PRELID3A: variants seen among roughly 807,000 people sequenced by gnomAD.
PRELID3A encodes PRELI domain containing 3A.
Under a neutral mutation model 23.0 loss-of-function variants are expected in PRELID3A, and 27 were observed. That is an observed-to-expected ratio of 1.17 (90% CI 0.87 to 1.62). The LOEUF (loss-of-function observed/expected upper bound fraction) is 1.62, where lower values mean the gene tolerates loss of function less well. Among genes scored for constraint, PRELID3A ranks in the 40% most tolerant of loss-of-function variants. The pLI, the probability that PRELID3A is intolerant of heterozygous loss-of-function variation, is 0.00. For synonymous variants in PRELID3A, 87 were observed against 86.4 expected (o/e 1.01, Z -0.04); for missense variants, 231 against 231.4 (o/e 1.00, Z 0.01).
chr18:12,430,516 CGT>C (rs2030540877), intron 6 of PRELID3A, among the ~76,000 whole-genome samples: 1 of 131,276 alleles, frequency 7.6e-6, no homozygotes, highest in African/African-American at 2.9e-5. Context: ...GTGTGATGTG[CGT>C]GTGTGGGGTG....
Position 12,408,149 on chromosome 18 carries a change from G to A in PRELID3A, c.32+142G>A, listed in dbSNP as rs1447067086. 25 of 734,080 alleles carry A rather than the reference G, an allele frequency of 3.4e-5. No homozygotes were observed. In the East Asian group the frequency reaches 8.0e-4, roughly 24 times the overall value. 45.5% of individuals were successfully genotyped at this position (734,080 alleles called of 1,614,324 possible). A position where few individuals can be genotyped will look rare whatever the true frequency, so the allele number is the denominator to read the frequency against. On this transcript the variant is annotated intron_variant, in intron 1 of 6. Transcript: ENST00000440960. Reference sequence around the variant, plus strand: ...GCCCCGCGCCGGCCGTTCCCAGACCGCAACTTCGGCGTCCCGGAGAGGGCA... The same window carrying A: ...GCCCCGCGCCGGCCGTTCCCAGACCACAACTTCGGCGTCCCGGAGAGGGCA...
At chr18:12,414,181 G>T (rs1598856111) in intron 1 of PRELID3A, among the ~76,000 whole-genome samples, 1 of 151,786 alleles carries the variant, frequency 6.6e-6, no homozygotes, top group Non-Finnish European at 1.5e-5. Context: ...GGGGCTTCTG[G>T]TGCACTTCTG....
At chr18:12,411,400 A>T (rs1909904718) in intron 1 of PRELID3A, among the ~76,000 whole-genome samples, 1 of 150,316 alleles carries the variant, frequency 6.7e-6, no homozygotes, top group Non-Finnish European at 1.5e-5. Context: ...CGGGAGGCAG[A>T]ACTTGCAGTG....
intron 3 of PRELID3A, among the ~76,000 whole-genome samples, chr18:12,423,056 C>T (rs563268199): frequency 3.9e-5 from 6 of 152,236 alleles, no homozygotes; most frequent in East Asian, 1.9e-4. Context: ...TAGGTGGCAG[C>T]GAGCAGGAGC....
intron 1 of PRELID3A, among the ~76,000 whole-genome samples, chr18:12,419,704 C>T (rs2030083628): frequency 6.6e-6 from 1 of 151,878 alleles, no homozygotes; most frequent in African/African-American, 2.4e-5. Context: ...CTTTGGGAGG[C>T]CGAGGCGGGC....
intron 1 of PRELID3A, among the ~76,000 whole-genome samples, chr18:12,417,384 G>A (rs2029995423): frequency 6.6e-6 from 1 of 152,096 alleles, no homozygotes; most frequent in African/African-American, 2.4e-5. Context: ...ATGTTGGCCA[G>A]GCTGGTGTTG....
chr18:12,408,020 T>C lies in PRELID3A; in HGVS notation c.32+13T>C. 1 of 1,267,894 alleles carries C rather than the reference T, an allele frequency of 7.9e-7. No homozygotes were observed. Among genetic ancestry groups the C allele is most frequent in the South Asian group, 3.0e-5 (1 of 33,642 alleles). 78.5% of individuals were successfully genotyped at this position (1,267,894 alleles called of 1,614,324 possible). A position where few individuals can be genotyped will look rare whatever the true frequency, so the allele number is the denominator to read the frequency against. On this transcript the variant is annotated intron_variant, in intron 1 of 6. Coordinates refer to ENST00000440960, the MANE Select transcript of PRELID3A (RefSeq NM_001142405.2). ...AGCACGTGTTTGGGTGAGGCCGGGC[T>C]GAGGGCCGCGGTGGGGCCGTCCAGA... is the stretch of plus-strand genomic sequence containing the variant.
intron 5 of PRELID3A, among the ~76,000 whole-genome samples, chr18:12,427,885 G>A (rs994757345): frequency 2.0e-5 from 3 of 152,002 alleles, no homozygotes; most frequent in Non-Finnish European, 2.9e-5. Flanking sequence ...AGAAAGTATG[G>A]GGTAAACCTG....
intron 3 of PRELID3A, 69 bp from the exon 4 acceptor site, chr18:12,426,972 G>C: frequency 8.6e-7 from 1 of 1,164,840 alleles, no homozygotes; most frequent in East Asian, 2.5e-5. Flanking sequence ...TGGGATGGAA[G>C]AGTATGGGCA....
Position 12,407,933 on chromosome 18 carries a change from C to T in PRELID3A, c.-43C>T, listed in dbSNP as rs985357099. On this transcript the variant is annotated 5_prime_UTR_variant, in exon 1 of 7. Coordinates refer to ENST00000440960, the MANE Select transcript of PRELID3A (RefSeq NM_001142405.2). ...GCGCCCGGAGCCGCGCGGCCCGAAG[C>T]ACCCGGCCCGGATCGCAGAGCCCGC... The T allele has an allele frequency of 3.9e-6, 5 of 1,279,674 alleles. No homozygotes were observed. The African/African-American group carries it at 7.8e-5, about 20-fold the overall frequency. 79.3% of individuals were successfully genotyped at this position (1,279,674 alleles called of 1,614,324 possible).
chr18:12,419,082 G>T (rs1392793696), intron 1 of PRELID3A, among the ~76,000 whole-genome samples: 1 of 152,170 alleles, frequency 6.6e-6, no homozygotes, highest in East Asian at 1.9e-4. Context: ...CTAGCACTTT[G>T]GGACGCTGAG....
At chr18:12,426,404 A>G (rs2030375161) in intron 3 of PRELID3A, among the ~76,000 whole-genome samples, 1 of 140,728 alleles carries the variant, frequency 7.1e-6, no homozygotes, top group East Asian at 2.1e-4. Context: ...AATACAAAAA[A>G]TTAGCTGGGC....
chr18:12,412,922 G>C (rs1412444486), intron 1 of PRELID3A, among the ~76,000 whole-genome samples: 1 of 152,156 alleles, frequency 6.6e-6, no homozygotes, highest in Non-Finnish European at 1.5e-5. Flanking sequence ...TGCTGTTTCT[G>C]TTTTTACTAA....
chr18:12,409,227 C>T (rs1344197247), intron 1 of PRELID3A, among the ~76,000 whole-genome samples: 6 of 120,212 alleles, frequency 5.0e-5, no homozygotes, highest in Admixed American at 1.2e-4. Flanking sequence ...AGTGCAATGG[C>T]GCGATCTTGG....
intron 1 of PRELID3A, among the ~76,000 whole-genome samples, chr18:12,416,296 G>T (rs1785658): frequency 0.54 from 81,164 of 151,174 alleles, 21,712 homozygotes; most frequent in East Asian, 0.65. Context: ...TTCTTTCTGG[G>T]TTTTTGTTGT....
chr18:12,424,122 C>T (rs1250129422), intron 3 of PRELID3A, among the ~76,000 whole-genome samples: 11 of 152,338 alleles, frequency 7.2e-5, no homozygotes, highest in Non-Finnish European at 1.5e-5. Flanking sequence ...TGCACAAAGT[C>T]ACAGGAGCCT....
intron 2 of PRELID3A, among the ~76,000 whole-genome samples, 185 bp downstream of exon 2, chr18:12,420,678 C>A (rs1203485059): frequency 1.5e-5 from 2 of 132,720 alleles, no homozygotes; most frequent in Non-Finnish European, 3.3e-5. Context: ...GTGGGGGGAA[C>A]TTCCCCGAGA....
At chr18:12,418,730 A>G (rs1299923744) in intron 1 of PRELID3A, among the ~76,000 whole-genome samples, 1 of 152,216 alleles carries the variant, frequency 6.6e-6, no homozygotes, top group Non-Finnish European at 1.5e-5. Flanking sequence ...GTGACTTGCT[A>G]GCAACCCCTT....
At chr18:12,411,844 T>C (rs1470475616) in intron 1 of PRELID3A, among the ~76,000 whole-genome samples, 1 of 152,010 alleles carries the variant, frequency 6.6e-6, no homozygotes, top group African/African-American at 2.4e-5. Context: ...TCTGAGGGGG[T>C]CTATATTCCA....
Sources: gnomAD v4.1 joint callset for allele counts (sites outside exome capture counted in the v4.1 genomes callset) on GRCh38, gnomAD v4.1.1 for gene constraint, MANE v1.5 for transcripts, NCBI Gene and HGNC (gene_info 2026-07-23, HGNC 2026-07-21) for gene names.